Variants in SRGAP3 observed in about 807,000 individuals in gnomAD.
SRGAP3 encodes SLIT-ROBO Rho GTPase-activating protein 3.
In SRGAP3, 39 loss-of-function variants were observed where a neutral mutation model predicts 121.1. That is an observed-to-expected ratio of 0.32 (90% confidence interval 0.25 to 0.42). The LOEUF (loss-of-function observed/expected upper bound fraction) is 0.42, where lower values mean the gene tolerates loss of function less well. SRGAP3 is among the 10% of genes least tolerant of loss of function. SRGAP3 has a pLI of 1.00. For missense variants in SRGAP3, 1,213 were observed against 1,470.6 expected, an observed-to-expected ratio of 0.82 and a Z score of 2.86; for synonymous variants, 601 against 570.0, an observed-to-expected ratio of 1.05 and a Z score of -0.77.
intron 4 of SRGAP3, among the ~76,000 whole-genome samples, chr3:9,079,206 C>T (rs1446037917): frequency 6.6e-6 from 1 of 152,184 alleles, no homozygotes; most frequent in East Asian, 1.9e-4. Flanking sequence ...ATATAGGGCA[C>T]CTATCTATTT....
At chr3:9,190,469 C>T (rs1054161636) in intron 1 of SRGAP3, among the ~76,000 whole-genome samples, 2 of 152,146 alleles carry the variant, frequency 1.3e-5, no homozygotes, top group East Asian at 3.9e-4. Flanking sequence ...TCAAAAGATT[C>T]CCTGAAACTG....
intron 1 of SRGAP3, among the ~76,000 whole-genome samples, chr3:9,195,842 G>A (rs574467333): frequency 2.0e-5 from 3 of 152,152 alleles, no homozygotes; most frequent in South Asian, 2.1e-4. Flanking sequence ...TGCAGTCCTC[G>A]CTAATCATGA....
chr3:9,100,677 CTT>C (rs1948181719), intron 3 of SRGAP3, among the ~76,000 whole-genome samples: 1 of 152,174 alleles, frequency 6.6e-6, no homozygotes, highest in Admixed American at 6.5e-5. Context: ...ATACAAGGGA[CTT>C]TTTGCTGACT....
intron 1 of SRGAP3, among the ~76,000 whole-genome samples, chr3:9,234,509 T>G (rs936564065): frequency 5.3e-5 from 8 of 152,156 alleles, no homozygotes; most frequent in Non-Finnish European, 1.0e-4. Context: ...CTCATGTCAT[T>G]TCTCTGACCC....
At chr3:9,179,929 G>A (rs546985349) in intron 1 of SRGAP3, among the ~76,000 whole-genome samples, 1 of 152,334 alleles carries the variant, frequency 6.6e-6, no homozygotes, top group East Asian at 1.9e-4. Flanking sequence ...CCAGCACAGG[G>A]CCAGATGCCC....
At chr3:9,023,743 C>T (rs951294146) in intron 14 of SRGAP3, among the ~76,000 whole-genome samples, 1 of 152,142 alleles carries the variant, frequency 6.6e-6, no homozygotes, top group Non-Finnish European at 1.5e-5. Flanking sequence ...TGAATGAATA[C>T]ATGACTAAGT....
intron 1 of SRGAP3, among the ~76,000 whole-genome samples, chr3:9,160,460 G>A (rs1037778618): frequency 3.9e-5 from 6 of 152,158 alleles, no homozygotes; most frequent in Admixed American, 2.0e-4. Flanking sequence ...AGAGGTCCAC[G>A]TGGCGAGGAA....
chr3:9,208,116 T>C (rs1269310482), intron 1 of SRGAP3, among the ~76,000 whole-genome samples: 1 of 152,100 alleles, frequency 6.6e-6, no homozygotes, highest in Non-Finnish European at 1.5e-5. Flanking sequence ...CCTCCCACAG[T>C]TGCACTGGGC....
intron 1 of SRGAP3, among the ~76,000 whole-genome samples, chr3:9,133,664 A>G (rs1949542023): frequency 6.6e-6 from 1 of 152,192 alleles, no homozygotes; most frequent in South Asian, 2.1e-4. Context: ...ATGAATAATC[A>G]TACACAGGCT....
chr3:9,264,021 CA>C (rs1954306944), intron 3 of SRGAP3, among the ~76,000 whole-genome samples: 1 of 152,162 alleles, frequency 6.6e-6, no homozygotes, highest in South Asian at 2.1e-4. Flanking sequence ...GCTTATCCAC[CA>C]CAATCAAGAT....
At chr3:9,251,081 A>T (rs1375695502), upstream of SRGAP3, among the ~76,000 whole-genome samples, 1 of 152,186 alleles carries the variant, frequency 6.6e-6, no homozygotes, top group African/African-American at 2.4e-5. Flanking sequence ...ATGCTAGTCC[A>T]TCAAGGCTTC....
intron 1 of SRGAP3, among the ~76,000 whole-genome samples, chr3:9,233,745 C>T (rs185477885): frequency 1.3e-5 from 2 of 152,284 alleles, no homozygotes; most frequent in East Asian, 1.9e-4. Context: ...CCTTTAGATC[C>T]ATTTGCTATA....
intron 19 of SRGAP3, 23 bp from the exon 20 acceptor site, chr3:8,993,078 T>C (rs1163404978): frequency 3.7e-6 from 6 of 1,613,178 alleles, no homozygotes; most frequent in South Asian, 3.3e-5. Flanking sequence ...CAGACATGAA[T>C]TGGAGGCACC....
chr3:9,254,702 G>T (rs1474452796), intron 3 of SRGAP3, among the ~76,000 whole-genome samples: 1 of 151,912 alleles, frequency 6.6e-6, no homozygotes, highest in Non-Finnish European at 1.5e-5. Context: ...AGGTTGAGGT[G>T]GGAGAATCAC....
intron 3 of SRGAP3, among the ~76,000 whole-genome samples, chr3:9,260,887 C>T (rs1053133674): frequency 6.6e-6 from 1 of 152,226 alleles, no homozygotes; most frequent in African/African-American, 2.4e-5. Flanking sequence ...GATCCCTGAC[C>T]CCCGTGCCTC....
intron 18 of SRGAP3, among the ~76,000 whole-genome samples, chr3:8,999,076 A>T (rs371373285): frequency 3.3e-5 from 5 of 152,268 alleles, no homozygotes; most frequent in African/African-American, 1.2e-4. Flanking sequence ...ATGCAATTCA[A>T]CTCCTGTGTA....
intron 1 of SRGAP3, among the ~76,000 whole-genome samples, chr3:9,131,515 T>C (rs555699455): frequency 1.1e-4 from 15 of 140,246 alleles, no homozygotes; most frequent in African/African-American, 3.7e-4. Flanking sequence ...CTCAGCTCAC[T>C]GCAACCTCTG....
intron 1 of SRGAP3, among the ~76,000 whole-genome samples, chr3:9,178,352 A>T (rs561307122): frequency 1.3e-5 from 2 of 152,338 alleles, no homozygotes; most frequent in East Asian, 3.9e-4. Flanking sequence ...GCTACCTGTG[A>T]CAGAAGGCAT....
chr3:9,062,233 T>A (rs1276407110), intron 5 of SRGAP3, among the ~76,000 whole-genome samples: 1 of 152,148 alleles, frequency 6.6e-6, no homozygotes, highest in African/African-American at 2.4e-5. Context: ...CTCATCTATT[T>A]TATAGATGAG....
Sources: allele counts gnomAD v4.1 joint callset (sites outside exome capture counted in the v4.1 genomes callset), GRCh38; gene constraint gnomAD v4.1.1; transcripts MANE v1.5; gene names NCBI Gene and HGNC (gene_info 2026-07-23, HGNC 2026-07-21).